The following LMCD1 variants were observed in gnomAD, a reference collection of about 807,000 sequenced individuals.
LMCD1 encodes the protein LIM and cysteine rich domains 1.
In LMCD1, 32 loss-of-function variants were observed where a neutral mutation model predicts 42.7. The observed-to-expected ratio is 0.75, with a 90% CI of 0.57 to 1.01. LMCD1 has a LOEUF of 1.01. LMCD1 is among the 50% of genes least tolerant of loss of function. The probability of loss-of-function intolerance (pLI) is 0.00; values close to 1 mark genes in which losing one functional copy is unlikely to be tolerated. For synonymous variants in LMCD1, 178 were observed against 184.9 expected (o/e 0.96, Z 0.30); for missense variants, 458 against 483.1 (o/e 0.95, Z 0.49).
Position 8,567,521 on chromosome 3 carries a change from C to G in LMCD1, c.1021C>G (p.Leu341Val), listed in dbSNP as rs1381873490. 8.1e-6 allele frequency: 13 copies of G among 1,613,826 alleles called. No individual in the cohort carries two copies. The highest frequency in any genetic ancestry group is 1.1e-5 in the Non-Finnish European group (13 of 1,179,992). The change falls in exon 6 of 6, where the codon CTG (leucine) becomes GTG (valine). Residue 341 changes from leucine (L) to valine (V), a missense_variant. Leu to Val is a conservative substitution (Grantham distance 32). Transcript: ENST00000157600. ...CTTTGTCTGTGAGGGTTGTGAGCAGCTGCTGAGCGGCCGGGCGTACATCGT... is the reference window on the plus strand; with the variant it reads ...CTTTGTCTGTGAGGGTTGTGAGCAGGTGCTGAGCGGCCGGGCGTACATCGT... ...KHFVCEGCEQ[L>V]LSGRAYIVTK...
At chr3:8,558,367 A>G (rs189657166) in intron 4 of LMCD1, among the ~76,000 whole-genome samples, 2 of 152,324 alleles carry the variant, frequency 1.3e-5, no homozygotes, top group Non-Finnish European at 2.9e-5. Context: ...AATATTCAAA[A>G]TCTTTCATTT....
intron 4 of LMCD1, among the ~76,000 whole-genome samples, chr3:8,554,428 C>G (rs1694895684): frequency 6.6e-6 from 1 of 152,182 alleles, no homozygotes; most frequent in Non-Finnish European, 1.5e-5. Flanking sequence ...CCAGGGTGGG[C>G]AGCCGTGTAT....
chr3:8,537,209 C>T lies in LMCD1; in HGVS notation c.156C>T (p.Cys52=). 1.9e-6 allele frequency: 3 copies of T among 1,614,046 alleles called. No individual in the cohort carries two copies. Among genetic ancestry groups the T allele is most frequent in the South Asian group, 1.1e-5 (1 of 91,052 alleles). ...SWRKICKSCK[C]SQEDHCLTSD... Reference sequence around the variant, plus strand: ...GGAAAATATGCAAGTCTTGCAAATGCAGCCAAGAGGACCACTGCCTAACAT... The same window carrying T: ...GGAAAATATGCAAGTCTTGCAAATGTAGCCAAGAGGACCACTGCCTAACAT... The change falls in exon 3 of 6, where the codon TGC becomes TGT. Residue 52 remains cysteine (C), a synonymous_variant. Coordinates refer to ENST00000157600, the MANE Select transcript of LMCD1 (RefSeq NM_014583.4).
chr3:8,505,904 T>C (rs975569808), intron 1 of LMCD1, among the ~76,000 whole-genome samples: 1 of 152,246 alleles, frequency 6.6e-6, no homozygotes, highest in Non-Finnish European at 1.5e-5. Context: ...TGAATTGTCG[T>C]TGGCTCTCTC....
chr3:8,546,411 C>G (rs2125030584), intron 3 of LMCD1, among the ~76,000 whole-genome samples: 1 of 152,336 alleles, frequency 6.6e-6, no homozygotes, highest in South Asian at 2.1e-4. Context: ...TTGGTAGGCG[C>G]TGTGGTTCTT....
chr3:8,535,207 C>G (rs1694488070), intron 2 of LMCD1, among the ~76,000 whole-genome samples: 1 of 152,194 alleles, frequency 6.6e-6, no homozygotes, highest in South Asian at 2.1e-4. Context: ...TAGTGCCTGT[C>G]TTCTTAAAGA....
intron 1 of LMCD1, among the ~76,000 whole-genome samples, chr3:8,517,870 A>G (rs375517343): frequency 6.6e-6 from 1 of 152,236 alleles, no homozygotes; most frequent in East Asian, 1.9e-4. Context: ...GTGTTTAAAG[A>G]AAAGTCAATA....
chr3:8,509,295 T>C (rs184598594), intron 1 of LMCD1, among the ~76,000 whole-genome samples: 2 of 152,290 alleles, frequency 1.3e-5, no homozygotes, highest in Admixed American at 1.3e-4. Context: ...CTTCTCTTTG[T>C]AGTTAAACTT....
chr3:8,558,597 A>G (rs1047857409), intron 4 of LMCD1, among the ~76,000 whole-genome samples: 1 of 152,218 alleles, frequency 6.6e-6, no homozygotes, highest in Non-Finnish European at 1.5e-5. Flanking sequence ...GAAACAACTG[A>G]TATGCTAATT....
chr3:8,565,187 A>T (rs1419797307), intron 4 of LMCD1, among the ~76,000 whole-genome samples: 1 of 152,226 alleles, frequency 6.6e-6, no homozygotes, highest in Non-Finnish European at 1.5e-5. Context: ...TATAAAGGGT[A>T]CTGAGACCAA....
intron 1 of LMCD1, among the ~76,000 whole-genome samples, chr3:8,531,472 T>G (rs1694410658): frequency 6.6e-6 from 1 of 152,192 alleles, no homozygotes; most frequent in African/African-American, 2.4e-5. Flanking sequence ...GTGCCTAATG[T>G]GGTCCTGCAC....
chr3:8,555,508 A>G (rs556251341), intron 4 of LMCD1, among the ~76,000 whole-genome samples: 4 of 152,190 alleles, frequency 2.6e-5, no homozygotes, highest in Non-Finnish European at 4.4e-5. Flanking sequence ...CCCCTGGCTC[A>G]GGCACCATGG....
intron 1 of LMCD1, among the ~76,000 whole-genome samples, chr3:8,502,978 ACT>A (rs1447441117): frequency 1.2e-4 from 19 of 152,154 alleles, no homozygotes; most frequent in African/African-American, 4.1e-4. Context: ...AGTCCCTGCC[ACT>A]TTTTAACTGC....
chr3:8,550,547 G>T, intron 4 of LMCD1: 2 of 984,938 alleles, frequency 2.0e-6, no homozygotes, highest in Non-Finnish European at 2.4e-6. Context: ...CACCATCTGG[G>T]ATTGCCAACC....
At chr3:8,550,580 C>G in intron 4 of LMCD1, 1 of 985,250 alleles carries the variant, frequency 1.0e-6, no homozygotes, top group Non-Finnish European at 1.2e-6. Flanking sequence ...TATCTGAGAA[C>G]TCTAAGACCA....
Position 8,569,501 on chromosome 3 carries a change from A to AC in LMCD1, c.*1904dup, listed in dbSNP as rs1695180307. 5 of 152,214 alleles carry AC rather than the reference A, an allele frequency of 3.3e-5. No homozygotes were observed. The highest frequency in any genetic ancestry group is 2.6e-4 in the Admixed American group (4 of 15,280). 9.4% of individuals were successfully genotyped at this position (152,214 alleles called of 1,614,324 possible). On this transcript the variant is annotated 3_prime_UTR_variant, in exon 6 of 6. Transcript: ENST00000157600. ...AGGGGATGCGGGGTGCACAAAAAGA[A>AC]CAGTGACCCCTACGCCCATAGATGT...
At chr3:8,555,300 G>A (rs1196609139) in intron 4 of LMCD1, among the ~76,000 whole-genome samples, 1 of 151,868 alleles carries the variant, frequency 6.6e-6, no homozygotes, top group Non-Finnish European at 1.5e-5. Context: ...CCAAGTCTTT[G>A]TCTAAGCAGA....
In LMCD1 at chr3:8,565,319, G is replaced by A. The variant is rs1024506512; in HGVS notation, c.724-113G>A. The A allele has an allele frequency of 4.9e-5, 42 of 864,126 alleles. No homozygotes were observed. The African/African-American group carries it at 6.0e-4, about 12-fold the overall frequency. 53.5% of individuals were successfully genotyped at this position (864,126 alleles called of 1,614,324 possible). A position where few individuals can be genotyped will look rare whatever the true frequency, so the allele number is the denominator to read the frequency against. ...CAAAACTGAGGCACGAAGAGGTATA[G>A]TGACTTGCCCAAGGTCACCCAGGAA... On this transcript the variant is annotated intron_variant, in intron 4 of 5. Coordinates refer to ENST00000157600, the MANE Select transcript of LMCD1 (RefSeq NM_014583.4).
chr3:8,502,006 C>T, intron 1 of LMCD1, 26 bp downstream of exon 1: 2 of 1,535,404 alleles, frequency 1.3e-6, no homozygotes, highest in East Asian at 5.1e-5. Context: ...TTTGTATTTA[C>T]CCAGATTCTT....
Sources: gnomAD v4.1 joint callset for allele counts (sites outside exome capture counted in the v4.1 genomes callset) on GRCh38, gnomAD v4.1.1 for gene constraint, MANE v1.5 for transcripts, NCBI Gene and HGNC (gene_info 2026-07-23, HGNC 2026-07-21) for gene names.